CDKN1A: variants seen among roughly 807,000 people sequenced by gnomAD.
CDKN1A encodes cyclin-dependent kinase inhibitor 1.
A neutral mutation model predicts 14.8 loss-of-function variants in CDKN1A; 14 were observed. The observed-to-expected ratio is 0.94, with a 90% confidence interval of 0.62 to 1.48. The LOEUF (loss-of-function observed/expected upper bound fraction) is 1.48, where lower values mean the gene tolerates loss of function less well. CDKN1A is among the 40% of genes most tolerant of loss of function. The pLI, the probability that CDKN1A is intolerant of heterozygous loss-of-function variation, is 0.00. For synonymous variants in CDKN1A, 92 were observed against 93.5 expected (o/e 0.98, Z 0.09); for missense variants, 203 against 231.7 (o/e 0.88, Z 0.80).
At position 36,687,185 on chromosome 6, in the gene CDKN1A, C is replaced by T. The variant is rs932480638; in HGVS notation, c.*1385C>T. 1 of 233,250 alleles carries T rather than the reference C, an allele frequency of 4.3e-6. No individual in the cohort carries two copies. The highest frequency in any genetic ancestry group is 2.2e-5 in the African/African-American group (1 of 45,334). 14.4% of individuals were successfully genotyped at this position (233,250 alleles called of 1,614,324 possible). A position where few individuals can be genotyped will look rare whatever the true frequency, so the allele number is the denominator to read the frequency against. On this transcript the variant is annotated 3_prime_UTR_variant, in exon 3 of 3. Transcript: ENST00000244741. ...GCCTGGACTGTTTTCTCTCGGCTCCCCATGTGTCCTGGTTCCCGTTTCTCC... is the reference window on the plus strand; with the variant it reads ...GCCTGGACTGTTTTCTCTCGGCTCCTCATGTGTCCTGGTTCCCGTTTCTCC...
At chr6:36,681,145 C>T (rs1031040940) in intron 1 of CDKN1A, among the ~76,000 whole-genome samples, 2 of 152,116 alleles carry the variant, frequency 1.3e-5, no homozygotes, top group African/African-American at 4.8e-5. Flanking sequence ...GGCTGGCAAC[C>T]CAAGAGTGCC....
chr6:36,681,346 CTT>C (rs1562038228), intron 1 of CDKN1A, among the ~76,000 whole-genome samples: 3 of 110,236 alleles, frequency 2.7e-5, no homozygotes, highest in Non-Finnish European at 5.7e-5. Flanking sequence ...TTCTTTCTTT[CTT>C]TCTTTTTCTT....
At chr6:36,681,326 T>A (rs1039171567) in intron 1 of CDKN1A, among the ~76,000 whole-genome samples, 1 of 123,744 alleles carries the variant, frequency 8.1e-6, no homozygotes. Flanking sequence ...CTTTCTTTCT[T>A]TCTTTCTTTT....
Position 36,684,040 on chromosome 6 carries a change from G to A in CDKN1A, c.-5-57G>A. ...AGGTGACACAGCAAAGCCCGGCCAGGTAACATAGTGTCTAATCTCCGCCGT... is the reference window on the plus strand; with the variant it reads ...AGGTGACACAGCAAAGCCCGGCCAGATAACATAGTGTCTAATCTCCGCCGT... On this transcript the variant is annotated intron_variant, in intron 1 of 2. Coordinates refer to ENST00000244741, the MANE Select transcript of CDKN1A (RefSeq NM_000389.5). The surrounding 1 kb of genome is among the most constrained non-coding windows in gnomAD (Gnocchi z 6.0). 3.9e-6 allele frequency: 6 copies of A among 1,553,046 alleles called. No individual in the cohort carries two copies. The South Asian group carries it at 6.9e-5, about 18-fold the overall frequency.
At position 36,686,243 on chromosome 6, in the gene CDKN1A, T is replaced by G. The variant is rs535732427; in HGVS notation, c.*443T>G. The G allele has an allele frequency of 1.2e-5, 4 of 326,524 alleles. 1 individual carries two copies. In the South Asian group the frequency reaches 1.8e-4, roughly 15 times the overall value. 20.2% of individuals were successfully genotyped at this position (326,524 alleles called of 1,614,324 possible). ...TCCTGGACACTCAGACCTGAATTCT[T>G]TTTCATTTGAGAAGTAAACAGATGG... On this transcript the variant is annotated 3_prime_UTR_variant, in exon 3 of 3. Transcript: ENST00000244741. This position sits in a 1 kb window ranked among gnomAD's most constrained non-coding sequence, Gnocchi z 4.9.
chr6:36,684,622 TG>T lies in CDKN1A; in HGVS notation c.445+78del. On this transcript the variant is annotated intron_variant, in intron 2 of 2. Transcript: ENST00000244741. The surrounding 1 kb of genome is among the most constrained non-coding windows in gnomAD (Gnocchi z 6.0). Reference sequence around the variant, plus strand: ...TCCATGGTCCAAGGGCTGACCTGTCTGGTCCTGGTCCAGCATGCTCCAGGTA... The same window carrying T: ...TCCATGGTCCAAGGGCTGACCTGTCTGTCCTGGTCCAGCATGCTCCAGGTA... 1 of 1,404,016 alleles carries T rather than the reference TG, an allele frequency of 7.1e-7. No homozygotes were observed. The allele number at this position is 1,404,016 out of a possible 1,614,324, so 87.0% of individuals were successfully genotyped here.
chr6:36,681,284 C>CTTTCTTTT (rs1562038017), intron 1 of CDKN1A, among the ~76,000 whole-genome samples: 6 of 104,110 alleles, frequency 5.8e-5, no homozygotes, highest in Non-Finnish European at 8.3e-5. Flanking sequence ...TTCTTTTTTT[C>CTTTCTTTT]TTTCTTTCTT....
At chr6:36,685,708 C>T in intron 2 of CDKN1A, 43 bp from the exon 3 acceptor site, 2 of 1,609,180 alleles carry the variant, frequency 1.2e-6, no homozygotes, top group Non-Finnish European at 1.7e-6. Flanking sequence ...TCCGCCGCGT[C>T]CTCTTCTTCT....
At chr6:36,679,254 T>C (rs1761814465) in intron 1 of CDKN1A, among the ~76,000 whole-genome samples, 3 of 152,130 alleles carry the variant, frequency 2.0e-5, no homozygotes, top group African/African-American at 7.2e-5. Context: ...GTGGAGTAAG[T>C]TCGTCTAGGA....
chr6:36,681,841 T>G (rs544371899), intron 1 of CDKN1A, among the ~76,000 whole-genome samples: 5 of 152,016 alleles, frequency 3.3e-5, no homozygotes, highest in South Asian at 4.2e-4. Context: ...TGCTCCGCCC[T>G]CCTCGGCCTC....
Position 36,686,262 on chromosome 6 carries a change from C to G in CDKN1A, c.*462C>G. 1 of 315,910 alleles carries G rather than the reference C, an allele frequency of 3.2e-6. No homozygotes were observed. The highest frequency in any genetic ancestry group is 5.1e-5 in the South Asian group (1 of 19,668). The allele number at this position is 315,910 out of a possible 1,614,324, so 19.6% of individuals were successfully genotyped here. On this transcript the variant is annotated 3_prime_UTR_variant, in exon 3 of 3. Coordinates refer to ENST00000244741, the MANE Select transcript of CDKN1A (RefSeq NM_000389.5). This position sits in a 1 kb window ranked among gnomAD's most constrained non-coding sequence, Gnocchi z 4.9. ...AATTCTTTTTCATTTGAGAAGTAAA[C>G]AGATGGCACTTTGAAGGGGCCTCAC...
chr6:36,683,403 T>TCTGA (rs1471998695), intron 1 of CDKN1A, among the ~76,000 whole-genome samples: 1 of 152,252 alleles, frequency 6.6e-6, no homozygotes, highest in Non-Finnish European at 1.5e-5. Flanking sequence ...CTGCATGGAC[T>TCTGA]CTGTGATCAA....
chr6:36,685,218 C>T (rs376271558), intron 2 of CDKN1A, among the ~76,000 whole-genome samples: 48 of 152,294 alleles, frequency 3.2e-4, no homozygotes, highest in East Asian at 5.8e-4. Context: ...GTGAATTTGC[C>T]GTTGGGTCAA....
At chr6:36,677,802 C>G, upstream of CDKN1A, 2 of 1,167,386 alleles carry the variant, frequency 1.7e-6, no homozygotes, top group Non-Finnish European at 2.3e-6. Flanking sequence ...CCAGACTTCT[C>G]TGAGCCCCAG....
At position 36,684,033 on chromosome 6, in the gene CDKN1A, C is replaced by T. The variant is rs1011739394; in HGVS notation, c.-5-64C>T. 29 of 1,515,872 alleles carry T rather than the reference C, an allele frequency of 1.9e-5. No individual in the cohort carries two copies. The highest frequency in any genetic ancestry group is 4.7e-5 in the South Asian group (4 of 85,818). 93.9% of individuals were successfully genotyped at this position (1,515,872 alleles called of 1,614,324 possible). ...TCACCTGAGGTGACACAGCAAAGCC[C>T]GGCCAGGTAACATAGTGTCTAATCT... On this transcript the variant is annotated intron_variant, in intron 1 of 2. Transcript: ENST00000244741. The surrounding 1 kb of genome is among the most constrained non-coding windows in gnomAD (Gnocchi z 6.0).
At chr6:36,685,020 T>G (rs1285248511) in intron 2 of CDKN1A, among the ~76,000 whole-genome samples, 1 of 152,154 alleles carries the variant, frequency 6.6e-6, no homozygotes, top group Non-Finnish European at 1.5e-5. Context: ...TTTGAGTTTT[T>G]GTAGAGACAA....
At chr6:36,685,445 A>T (rs563807902) in intron 2 of CDKN1A, among the ~76,000 whole-genome samples, 1 of 152,272 alleles carries the variant, frequency 6.6e-6, no homozygotes, top group South Asian at 2.1e-4. Context: ...ATTTTATTTG[A>T]TTGTAGTCTG....
upstream of CDKN1A, among the ~76,000 whole-genome samples, chr6:36,677,378 C>T (rs1397606667): frequency 2.0e-5 from 3 of 152,162 alleles, no homozygotes; most frequent in Non-Finnish European, 2.9e-5. Flanking sequence ...CTCTGAGCAG[C>T]CTGAGATGTC....
At chr6:36,681,289 TTTC>T (rs1761946810) in intron 1 of CDKN1A, among the ~76,000 whole-genome samples, 1 of 112,714 alleles carries the variant, frequency 8.9e-6, no homozygotes. Context: ...TTTTTCTTTC[TTTC>T]TTTCTTTCTT....
Sources: allele counts gnomAD v4.1 joint callset (sites outside exome capture counted in the v4.1 genomes callset), GRCh38; gene constraint gnomAD v4.1.1; non-coding constraint Gnocchi (gnomAD v3.1); transcripts MANE v1.5; gene names NCBI Gene and HGNC (gene_info 2026-07-23, HGNC 2026-07-21).